Variants in ITGA2 observed in about 807,000 individuals in gnomAD.
ITGA2 encodes the protein integrin alpha-2.
Under a neutral mutation model 146.3 loss-of-function variants are expected in ITGA2, and 101 were observed. That is an observed-to-expected ratio of 0.69 (90% CI 0.59 to 0.81). The LOEUF (loss-of-function observed/expected upper bound fraction) is 0.81. ITGA2 is among the 40% of genes least tolerant of loss of function. The probability of loss-of-function intolerance (pLI) is 0.00; values close to 1 mark genes in which losing one functional copy is unlikely to be tolerated. For missense variants in ITGA2, 1,281 were observed against 1,402.7 expected (o/e 0.91, Z 1.39); for synonymous variants, 477 against 487.1 (o/e 0.98, Z 0.27).
At chr5:53,024,897 C>T (rs1362757233) in intron 1 of ITGA2, among the ~76,000 whole-genome samples, 1 of 152,066 alleles carries the variant, frequency 6.6e-6, no homozygotes, top group African/African-American at 2.4e-5. Flanking sequence ...AGTTCAATGG[C>T]AAGACATAAG....
intron 1 of ITGA2, among the ~76,000 whole-genome samples, chr5:52,999,004 G>A (rs1275541756): frequency 6.6e-6 from 1 of 152,116 alleles, no homozygotes; most frequent in Non-Finnish European, 1.5e-5. Flanking sequence ...GAGTTTGTTT[G>A]CTTTTAAAAT....
chr5:53,046,282 T>C (rs3212469), intron 4 of ITGA2, among the ~76,000 whole-genome samples: 103,211 of 151,090 alleles, frequency 0.68, 35,766 homozygotes, highest in Admixed American at 0.74. Flanking sequence ...TGGCACGCTT[T>C]CTTAAAAATC....
Position 53,067,151 on chromosome 5 carries a change from T to C in ITGA2, c.1977T>C (p.Ala659=), listed in dbSNP as rs1745187708. 1.2e-6 allele frequency: 2 copies of C among 1,611,108 alleles called. No individual in the cohort carries two copies. The highest frequency in any genetic ancestry group is 1.7e-6 in the Non-Finnish European group (2 of 1,178,568). Residue 659 remains alanine (A), a synonymous_variant, in exon 16 of 30, where the codon GCT becomes GCC. Transcript: ENST00000296585. ...SQSIADVAIE[A]SFTPEKITLV... ...GTATTGCTGATGTAGCTATAGAAGC[T>C]TCATTCACACCAGAAAAAATCACTT...
At chr5:53,026,943 C>T in intron 2 of ITGA2, 75 bp downstream of exon 2, 2 of 1,315,752 alleles carry the variant, frequency 1.5e-6, no homozygotes, top group Non-Finnish European at 2.2e-6. Context: ...ATTGCTTTTT[C>T]AAATTGGTGC....
chr5:52,989,823 C>CACAT (rs1554050602), intron 1 of ITGA2, among the ~76,000 whole-genome samples: 1 of 143,432 alleles, frequency 7.0e-6, no homozygotes, highest in Non-Finnish European at 1.6e-5. Context: ...CGCACACACA[C>CACAT]ACACACACAC....
chr5:53,003,089 C>A (rs1741669120), intron 1 of ITGA2, among the ~76,000 whole-genome samples: 1 of 152,154 alleles, frequency 6.6e-6, no homozygotes, highest in Non-Finnish European at 1.5e-5. Context: ...ACAGAACACT[C>A]CAGCCAGTAT....
chr5:53,009,246 A>T (rs952420219), intron 1 of ITGA2, among the ~76,000 whole-genome samples: 1 of 152,136 alleles, frequency 6.6e-6, no homozygotes, highest in African/African-American at 2.4e-5. Flanking sequence ...GTTGAATGGT[A>T]GTCTCCCCCA....
intron 1 of ITGA2, among the ~76,000 whole-genome samples, chr5:52,990,504 T>A (rs1339794972): frequency 6.6e-6 from 1 of 151,936 alleles, no homozygotes; most frequent in Non-Finnish European, 1.5e-5. Flanking sequence ...GTTTGTATAA[T>A]GTAGTTTGAA....
chr5:53,074,850 T>C (rs1332495373), intron 21 of ITGA2, among the ~76,000 whole-genome samples: 2 of 151,950 alleles, frequency 1.3e-5, no homozygotes, highest in African/African-American at 2.4e-5. Context: ...CTTACATGTG[T>C]CACTTGGAAG....
intron 1 of ITGA2, among the ~76,000 whole-genome samples, chr5:52,998,725 A>G (rs1480983049): frequency 6.6e-6 from 1 of 152,134 alleles, no homozygotes; most frequent in East Asian, 1.9e-4. Flanking sequence ...TATAGTTCTT[A>G]CTGACTGCAA....
chr5:52,995,661 G>A lies in ITGA2; in HGVS notation c.64+6129G>A, dbSNP rs114087348. On this transcript the variant is annotated intron_variant, in intron 1 of 29. Transcript: ENST00000296585. ...CAGATTGAGTTTGAGACATCTGGAT[G>A]TACACCTGGATGTATATGTCTAATT... is the stretch of plus-strand genomic sequence containing the variant. 4.6e-3 allele frequency among the ~76,000 whole-genome samples: 699 copies of A among 152,292 alleles called. 3 individuals are homozygous for A. Among genetic ancestry groups the A allele is most frequent in the Non-Finnish European group, 6.2e-3 (424 of 68,024 alleles).
chr5:53,031,090 G>C (rs1219932168), intron 2 of ITGA2, among the ~76,000 whole-genome samples: 1 of 152,258 alleles, frequency 6.6e-6, no homozygotes, highest in Non-Finnish European at 1.5e-5. Context: ...TTGCCTGTTT[G>C]TTTTGACAGT....
At chr5:53,026,623 G>A in intron 1 of ITGA2, 125 bp from the exon 2 acceptor site, 1 of 857,532 alleles carries the variant, frequency 1.2e-6, no homozygotes, top group East Asian at 2.7e-5. Context: ...TTTTTTCTGG[G>A]TAAACGTTGA....
At chr5:53,088,370 G>A (rs1740217592) in intron 28 of ITGA2, among the ~76,000 whole-genome samples, 1 of 152,054 alleles carries the variant, frequency 6.6e-6, no homozygotes, top group African/African-American at 2.4e-5. Flanking sequence ...AGGTGCAAAA[G>A]TAATTGTGGT....
At position 53,086,975 on chromosome 5, in the gene ITGA2, A is replaced by T. The variant is rs146796104; in HGVS notation, c.3282A>T (p.Leu1094=). The change falls in exon 28 of 30, where the codon CTA becomes CTT. Residue 1094 remains leucine, a synonymous_variant. Transcript: ENST00000296585. ...AGTCAACGTTCCAGACAGTACAGCTAACGGCAGCTGCAGAAATCAACACCT... is the reference window on the plus strand; with the variant it reads ...AGTCAACGTTCCAGACAGTACAGCTTACGGCAGCTGCAGAAATCAACACCT... ...FASSTFQTVQ[L]TAAAEINTYN... is the part of the protein sequence containing the mutation. The T allele has an allele frequency of 6.2e-7, 1 of 1,613,582 alleles. No homozygotes were observed. Among genetic ancestry groups the T allele is most frequent in the African/African-American group, 1.3e-5 (1 of 74,912 alleles).
intron 15 of ITGA2, 84 bp downstream of exon 15, chr5:53,066,061 AATGCCAC>A: frequency 8.0e-7 from 1 of 1,250,630 alleles, no homozygotes; most frequent in Non-Finnish European, 1.2e-6. Context: ...GTATTATAGA[AATGCCAC>A]ATGCATTCTA....
Position 53,048,456 on chromosome 5 carries a change from A to G in ITGA2, c.481A>G (p.Ser161Gly). The change falls in exon 5 of 30, where the codon AGC becomes GGC. Residue 161 changes from serine to glycine, a missense_variant. Physicochemically the swap from Ser to Gly is moderately conservative, Grantham distance 56. Transcript: ENST00000296585. ...CAGTCCTGATTTTCAGCTCTCAGCC[A>G]GCTTCTCACCTGCAACTCAGCGTAA... ...DISPDFQLSA[S>G]FSPATQPCPS... is the part of the protein sequence containing the mutation. 1.2e-6 allele frequency: 2 copies of G among 1,614,144 alleles called. No individual in the cohort carries two copies. Among genetic ancestry groups the G allele is most frequent in the Non-Finnish European group, 1.7e-6 (2 of 1,179,984 alleles).
intron 9 of ITGA2, among the ~76,000 whole-genome samples, chr5:53,057,089 C>T (rs931289134): frequency 6.6e-6 from 1 of 151,828 alleles, no homozygotes; most frequent in Admixed American, 6.6e-5. Flanking sequence ...ATCCAGCATA[C>T]CCTGAGATAA....
chr5:53,031,158 T>C (rs1426891990), intron 2 of ITGA2, among the ~76,000 whole-genome samples: 1 of 152,252 alleles, frequency 6.6e-6, no homozygotes, highest in East Asian at 1.9e-4. Flanking sequence ...ATTATGGAAG[T>C]AGCAGATGTG....
Sources: allele counts gnomAD v4.1 joint callset (sites outside exome capture counted in the v4.1 genomes callset), GRCh38; gene constraint gnomAD v4.1.1; transcripts MANE v1.5; gene names NCBI Gene and HGNC (gene_info 2026-07-23, HGNC 2026-07-21).